The following DOK6 variants were observed in gnomAD, a reference collection of about 807,000 sequenced individuals.
The protein encoded by DOK6 is downstream of tyrosine kinase 6.
In DOK6, 22 loss-of-function variants were observed where a neutral mutation model predicts 44.0. The ratio of observed to expected loss-of-function variants is 0.50; its 90% CI spans 0.36 to 0.71. DOK6 has a LOEUF of 0.71. DOK6 is among the 30% of genes least tolerant of loss of function. DOK6 has a pLI of 0.00. For synonymous variants in DOK6, 166 were observed against 145.5 expected (o/e 1.14, Z -1.01); for missense variants, 340 against 416.4 (o/e 0.82, Z 1.60).
At chr18:69,780,912 G>A (rs1009433214) in intron 7 of DOK6, among the ~76,000 whole-genome samples, 1 of 152,092 alleles carries the variant, frequency 6.6e-6, no homozygotes, top group Non-Finnish European at 1.5e-5. Context: ...ATATTTATGG[G>A]CTGTCTATGG....
chr18:69,827,336 GC>G lies in DOK6; in HGVS notation c.857-13906del, dbSNP rs201397407. ...ATGATGAAACATAAAAAGTTTTAAA[GC>G]CATGACCATTTGGACATTGTAGCCT... On this transcript the variant is annotated intron_variant, in intron 7 of 7. Transcript: ENST00000382713. 8.0e-4 allele frequency among the ~76,000 whole-genome samples: 122 copies of G among 152,138 alleles called. 1 individual carries two copies. The East Asian group carries it at 0.021, about 26-fold the overall frequency.
chr18:69,780,150 A>G (rs900525152), intron 7 of DOK6, among the ~76,000 whole-genome samples: 5 of 152,190 alleles, frequency 3.3e-5, no homozygotes, highest in African/African-American at 1.2e-4. Flanking sequence ...CACTGCCATC[A>G]AGATAATTTC....
intron 1 of DOK6, chr18:69,470,133 C>T (rs1162607924): frequency 6.4e-6 from 1 of 156,430 alleles, no homozygotes; most frequent in Non-Finnish European, 1.4e-5. Context: ...GTGAACTTCA[C>T]AAGAGGAATG....
intron 1 of DOK6, among the ~76,000 whole-genome samples, chr18:69,534,373 G>A (rs192809267): frequency 1.3e-5 from 2 of 152,224 alleles, no homozygotes; most frequent in African/African-American, 4.8e-5. Flanking sequence ...AATTATCTAT[G>A]CATTTGCTAC....
intron 7 of DOK6, among the ~76,000 whole-genome samples, chr18:69,829,895 G>A (rs973112031): frequency 8.5e-5 from 13 of 152,062 alleles, no homozygotes; most frequent in Middle Eastern, 3.4e-3. Context: ...TTTTATATCC[G>A]TTAGGTGGGA....
intron 3 of DOK6, chr18:69,661,035 G>A (rs1985512523): frequency 6.6e-6 from 1 of 152,198 alleles, no homozygotes; most frequent in East Asian, 1.9e-4. Context: ...CTGAAAGTCT[G>A]AAGAAGTAGA....
intron 1 of DOK6, among the ~76,000 whole-genome samples, chr18:69,420,190 T>A (rs1490901875): frequency 1.3e-5 from 2 of 152,056 alleles, no homozygotes; most frequent in South Asian, 4.2e-4. Context: ...TTAAAGGCTA[T>A]CTAAATTAAA....
chr18:69,442,130 G>T (rs566496922), intron 1 of DOK6, among the ~76,000 whole-genome samples: 2 of 150,146 alleles, frequency 1.3e-5, no homozygotes, highest in Admixed American at 6.7e-5. Flanking sequence ...CACCATTAAT[G>T]TTGTTTTTTA....
intron 7 of DOK6, among the ~76,000 whole-genome samples, chr18:69,798,813 G>A (rs1368857226): frequency 4.0e-5 from 6 of 151,754 alleles, no homozygotes; most frequent in Non-Finnish European, 7.4e-5. Flanking sequence ...ATAGAGACAA[G>A]CATTTTCACT....
chr18:69,719,933 C>T (rs566224991), intron 5 of DOK6, among the ~76,000 whole-genome samples: 25 of 152,150 alleles, frequency 1.6e-4, no homozygotes, highest in African/African-American at 6.0e-4. Context: ...TTGAAATCAC[C>T]GAATCATGCA....
intron 7 of DOK6, among the ~76,000 whole-genome samples, chr18:69,761,812 T>C (rs1979564357): frequency 6.6e-6 from 1 of 152,144 alleles, no homozygotes; most frequent in African/African-American, 2.4e-5. Context: ...TAGGAAGGTA[T>C]CTGAGTCATG....
intron 1 of DOK6, among the ~76,000 whole-genome samples, chr18:69,528,112 G>A (rs1387436212): frequency 5.5e-5 from 8 of 145,678 alleles, no homozygotes; most frequent in Admixed American, 4.2e-4. Flanking sequence ...GCAGTGATCC[G>A]AGATAGTGCC....
chr18:69,506,258 G>C (rs766175880), intron 1 of DOK6, among the ~76,000 whole-genome samples: 11 of 152,044 alleles, frequency 7.2e-5, no homozygotes, highest in Non-Finnish European at 8.8e-5. Flanking sequence ...AGAAATTAAG[G>C]TATGTTTACA....
intron 1 of DOK6, among the ~76,000 whole-genome samples, chr18:69,438,520 T>A (rs906708795): frequency 6.6e-6 from 1 of 152,060 alleles, no homozygotes; most frequent in Admixed American, 6.6e-5. Context: ...TCCATAAGAG[T>A]TGAAATCAGC....
At chr18:69,570,089 A>C (rs2144602292) in intron 2 of DOK6, among the ~76,000 whole-genome samples, 1 of 152,180 alleles carries the variant, frequency 6.6e-6, no homozygotes, top group African/African-American at 2.4e-5. Flanking sequence ...AAAACTGTTG[A>C]GTACTATGCT....
intron 3 of DOK6, among the ~76,000 whole-genome samples, chr18:69,650,290 T>C (rs1985189969): frequency 6.6e-6 from 1 of 152,104 alleles, no homozygotes; most frequent in African/African-American, 2.4e-5. Context: ...TAAAGTAATC[T>C]TAAGTGGGAG....
At chr18:69,408,276 G>C (rs1269162824) in intron 1 of DOK6, among the ~76,000 whole-genome samples, 1 of 152,084 alleles carries the variant, frequency 6.6e-6, no homozygotes, top group African/African-American at 2.4e-5. Flanking sequence ...ATCATTCACT[G>C]TACTCAATGC....
At chr18:69,579,902 C>T (rs769132260) in intron 2 of DOK6, among the ~76,000 whole-genome samples, 4 of 152,140 alleles carry the variant, frequency 2.6e-5, no homozygotes, top group Non-Finnish European at 5.9e-5. Context: ...GGATTACAGG[C>T]GTGAACCACT....
At chr18:69,539,317 C>T (rs1982205222) in intron 1 of DOK6, among the ~76,000 whole-genome samples, 1 of 152,096 alleles carries the variant, frequency 6.6e-6, no homozygotes, top group Non-Finnish European at 1.5e-5. Flanking sequence ...AAGTTTGTCT[C>T]CTTTCATTTT....
Sources: gnomAD v4.1 joint callset for allele counts (sites outside exome capture counted in the v4.1 genomes callset) on GRCh38, gnomAD v4.1.1 for gene constraint, MANE v1.5 for transcripts, NCBI Gene and HGNC (gene_info 2026-07-23, HGNC 2026-07-21) for gene names.